ANKRD28: variants seen among roughly 807,000 people sequenced by gnomAD.
ANKRD28 encodes the protein ankyrin repeat domain 28, also known as serine/threonine-protein phosphatase 6 regulatory ankyrin repeat subunit A.
Under a neutral mutation model 126.5 loss-of-function variants are expected in ANKRD28, and 44 were observed. The ratio of observed to expected loss-of-function variants is 0.35; its 90% CI spans 0.27 to 0.45. ANKRD28 has a LOEUF of 0.45. Among genes scored for constraint, ANKRD28 ranks in the 20% least tolerant of loss-of-function variants. The probability of loss-of-function intolerance (pLI) is 1.00; values close to 1 mark genes in which losing one functional copy is unlikely to be tolerated. For synonymous variants in ANKRD28, 442 were observed against 468.5 expected, an observed-to-expected ratio of 0.94 and a Z score of 0.73; for missense variants, 1,110 against 1,316.6, an observed-to-expected ratio of 0.84 and a Z score of 2.43.
At chr3:15,819,035 T>C (rs1387304108) in intron 1 of ANKRD28, among the ~76,000 whole-genome samples, 2 of 152,188 alleles carry the variant, frequency 1.3e-5, no homozygotes, top group East Asian at 1.9e-4. Flanking sequence ...TCCAGTGCTT[T>C]GGGAGGACAA....
chr3:15,714,735 T>A, intron 8 of ANKRD28, 79 bp from the exon 9 acceptor site: 1 of 917,570 alleles, frequency 1.1e-6, no homozygotes, highest in African/African-American at 1.7e-5. Flanking sequence ...AATACCCTCT[T>A]GCATCTTTAT....
chr3:15,809,408 C>A (rs1575747318), intron 1 of ANKRD28, among the ~76,000 whole-genome samples: 1 of 152,160 alleles, frequency 6.6e-6, no homozygotes, highest in African/African-American at 2.4e-5. Context: ...CTGAGACATA[C>A]AAGAAACCCA....
intron 1 of ANKRD28, among the ~76,000 whole-genome samples, chr3:15,841,585 A>G (rs1361762017): frequency 6.6e-6 from 1 of 152,222 alleles, no homozygotes; most frequent in Non-Finnish European, 1.5e-5. Flanking sequence ...ATGTACAGAA[A>G]AAAAACCTAA....
intron 3 of ANKRD28, among the ~76,000 whole-genome samples, chr3:15,761,953 TGGTG>T: frequency 6.6e-6 from 1 of 151,844 alleles, no homozygotes; most frequent in Non-Finnish European, 1.5e-5. Context: ...TGGGAGGCCG[TGGTG>T]GGTGGATCAC....
intron 1 of ANKRD28, among the ~76,000 whole-genome samples, chr3:15,850,258 G>GAGAGAGAGAGAA (rs1384999941): frequency 0.012 from 1,570 of 126,712 alleles, 76 homozygotes; most frequent in East Asian, 0.087. Flanking sequence ...GAGAGAGAGA[G>GAGAGAGAGAGAA]AGAGAAAGTT....
intron 27 of ANKRD28, among the ~76,000 whole-genome samples, chr3:15,672,325 A>G (rs879113214): frequency 3.6e-4 from 54 of 152,076 alleles, no homozygotes; most frequent in Middle Eastern, 3.4e-3. Flanking sequence ...ACTTTTTTGT[A>G]GATACAGGGT....
chr3:15,734,775 T>C (rs1026339179), intron 6 of ANKRD28, among the ~76,000 whole-genome samples: 7 of 152,208 alleles, frequency 4.6e-5, no homozygotes, highest in African/African-American at 1.7e-4. Context: ...AATAGGCTGA[T>C]TTGTCTCCCC....
chr3:15,797,020 A>G lies in ANKRD28; in HGVS notation c.-499T>C. ...ATAGTTACCAGTAGCTGTTTTGCTT[A>G]TAATTGAAAATAAAAAATAAAATCT... On this transcript the variant is annotated 5_prime_UTR_variant, in exon 1 of 28. Transcript: ENST00000683139. 1.0e-6 allele frequency: 1 copy of G among 985,274 alleles called. No individual in the cohort carries two copies. Among genetic ancestry groups the G allele is most frequent in the Non-Finnish European group, 1.2e-6 (1 of 829,830 alleles). 61.0% of individuals were successfully genotyped at this position (985,274 alleles called of 1,614,324 possible).
chr3:15,775,811 C>T (rs146348994), intron 2 of ANKRD28, among the ~76,000 whole-genome samples: 41 of 152,292 alleles, frequency 2.7e-4, no homozygotes, highest in African/African-American at 9.9e-4. Context: ...AATCCCTGAA[C>T]CCAGTCCTTT....
At chr3:15,773,268 A>C (rs2059104569) in intron 2 of ANKRD28, among the ~76,000 whole-genome samples, 1 of 152,220 alleles carries the variant, frequency 6.6e-6, no homozygotes, top group Non-Finnish European at 1.5e-5. Flanking sequence ...CATTTAGAAT[A>C]GCATCAAAAG....
rs1430389378 is a variant in ANKRD28 at position 15,670,418 on chromosome 3, T to C, written c.3104A>G (p.Asn1035Ser). The C allele has an allele frequency of 2.5e-6, 4 of 1,613,960 alleles. No homozygotes were observed. ...TTCAAAGCTGACTGTTTTTGAGGTG[T>C]TGGTATAACGGTTAATGGCATTGAA... The part of the protein sequence containing the change: ...LTFNAINRYT[N>S]TSKTVSFEAL... The change falls in exon 28 of 28, where the codon AAC becomes AGC. Residue 1035 changes from asparagine to serine, a missense_variant. Physicochemically the swap from Asn to Ser is conservative, Grantham distance 46 (BLOSUM62 1). Coordinates refer to ENST00000683139, the MANE Select transcript of ANKRD28 (RefSeq NM_001349278.2).
chr3:15,715,245 T>A (rs1186729388), intron 8 of ANKRD28, among the ~76,000 whole-genome samples: 1 of 152,206 alleles, frequency 6.6e-6, no homozygotes, highest in African/African-American at 2.4e-5. Context: ...TAGTGTCTTT[T>A]CTTTTCTAAA....
In ANKRD28 at chr3:15,797,494, C is replaced by T. The variant is rs1485560553; in HGVS notation, c.-973G>A. The T allele has an allele frequency of 1.0e-6, 1 of 984,734 alleles. No individual in the cohort carries two copies. The highest frequency in any genetic ancestry group is 1.2e-6 in the Non-Finnish European group (1 of 829,856). The allele number at this position is 984,734 out of a possible 1,614,324, so 61.0% of individuals were successfully genotyped here. A position where few individuals can be genotyped will look rare whatever the true frequency, so the allele number is the denominator to read the frequency against. On this transcript the variant is annotated 5_prime_UTR_variant, in exon 1 of 28. Coordinates refer to ENST00000683139, the MANE Select transcript of ANKRD28 (RefSeq NM_001349278.2). ...TAGTGGAGAATCCTAGTAGAACAAG[C>T]AGGCTGTGAAGGAATTAGAAGGCAT...
chr3:15,836,942 T>C (rs2061338092), intron 1 of ANKRD28, among the ~76,000 whole-genome samples: 1 of 151,466 alleles, frequency 6.6e-6, no homozygotes, highest in East Asian at 1.9e-4. Context: ...CTACTAAAAA[T>C]ACAAAAAATT....
intron 3 of ANKRD28, among the ~76,000 whole-genome samples, chr3:15,759,346 A>G (rs1217620481): frequency 6.6e-6 from 1 of 152,196 alleles, no homozygotes; most frequent in Non-Finnish European, 1.5e-5. Context: ...GGCTAAAATG[A>G]GATTAGTGAA....
chr3:15,829,939 T>TA (rs35231161), intron 1 of ANKRD28, among the ~76,000 whole-genome samples: 6,364 of 140,330 alleles, frequency 0.045, 160 homozygotes, highest in Non-Finnish European at 0.056. Flanking sequence ...GGTATTCTAT[T>TA]AAAAAAAAAA....
At chr3:15,790,282 A>C (rs919022828) in intron 2 of ANKRD28, among the ~76,000 whole-genome samples, 1 of 152,040 alleles carries the variant, frequency 6.6e-6, no homozygotes, top group Non-Finnish European at 1.5e-5. Flanking sequence ...GAATACTTCC[A>C]AATTCATTCA....
intron 21 of ANKRD28, chr3:15,684,307 A>G (rs2470543): frequency 0.72 from 109,790 of 152,066 alleles, 39,845 homozygotes; most frequent in East Asian, 0.94. Flanking sequence ...GTGACCTTTT[A>G]TGAGTCTACC....
chr3:15,735,267 GT>G (rs1333349745), intron 6 of ANKRD28, 142 bp downstream of exon 6: 3 of 578,280 alleles, frequency 5.2e-6, no homozygotes, highest in Admixed American at 3.4e-5. Context: ...CATTACCAGG[GT>G]TGTTCTACCT....
Sources: allele counts gnomAD v4.1 joint callset (sites outside exome capture counted in the v4.1 genomes callset), GRCh38; gene constraint gnomAD v4.1.1; transcripts MANE v1.5; gene names NCBI Gene and HGNC (gene_info 2026-07-23, HGNC 2026-07-21).